Variants in KCNJ15 observed in about 807,000 individuals in gnomAD.
KCNJ15 encodes the protein potassium inwardly rectifying channel subfamily J member 15.
A neutral mutation model predicts 23.0 loss-of-function variants in KCNJ15; 14 were observed. The observed-to-expected ratio is 0.61, with a 90% confidence interval of 0.40 to 0.95. KCNJ15 has a LOEUF of 0.95. Among genes scored for constraint, KCNJ15 ranks in the 40% least tolerant of loss-of-function variants. KCNJ15 has a pLI of 0.00. For synonymous variants in KCNJ15, 185 were observed against 183.2 expected, an observed-to-expected ratio of 1.01 and a Z score of -0.08; for missense variants, 388 against 461.8, an observed-to-expected ratio of 0.84 and a Z score of 1.46.
At chr21:38,255,960 G>A (rs989244172), upstream of KCNJ15, among the ~76,000 whole-genome samples, 16 of 152,188 alleles carry the variant, frequency 1.1e-4, no homozygotes, top group Admixed American at 3.9e-4. Context: ...CAGACCGTTT[G>A]CGTCTCTTGG....
At chr21:38,274,256 T>A (rs1982411827) in intron 1 of KCNJ15, among the ~76,000 whole-genome samples, 1 of 152,226 alleles carries the variant, frequency 6.6e-6, no homozygotes, top group Non-Finnish European at 1.5e-5. Flanking sequence ...CTTCATCTCT[T>A]GTTGCCTCTC....
intron 1 of KCNJ15, among the ~76,000 whole-genome samples, chr21:38,243,666 C>T (rs1979164633): frequency 6.6e-6 from 1 of 152,210 alleles, no homozygotes; most frequent in African/African-American, 2.4e-5. Flanking sequence ...AGGTGATCTG[C>T]CCGCCTCGGC....
At chr21:38,247,845 C>T (rs1181579928) in intron 1 of KCNJ15, among the ~76,000 whole-genome samples, 10 of 152,144 alleles carry the variant, frequency 6.6e-5, no homozygotes, top group Admixed American at 5.9e-4. Context: ...CTTCCCATCA[C>T]CTGTGCCTCC....
intron 1 of KCNJ15, among the ~76,000 whole-genome samples, chr21:38,288,406 A>G (rs972489773): frequency 6.6e-6 from 1 of 152,102 alleles, no homozygotes; most frequent in South Asian, 2.1e-4. Context: ...TCATGCTAAT[A>G]ACTAATATGA....
rs563325494 is a variant in KCNJ15, at chr21:38,261,716, G to C, written c.-117+4531G>C. Among the ~76,000 whole-genome samples, 5 of 152,256 alleles carry C rather than the reference G, an allele frequency of 3.3e-5. No homozygotes were observed. In the South Asian group the frequency reaches 6.2e-4, roughly 19 times the overall value. On this transcript the variant is annotated intron_variant, in intron 1 of 2. Coordinates refer to ENST00000398938, the MANE Select transcript of KCNJ15 (RefSeq NM_170736.3). Reference sequence around the variant, plus strand: ...GCTTTTCCTATGGTAGAATATGTGAGTACTGAAATTAACTGTGCGCTTTTT... The same window carrying C: ...GCTTTTCCTATGGTAGAATATGTGACTACTGAAATTAACTGTGCGCTTTTT...
chr21:38,238,632 G>T (rs1285209072), intron 1 of KCNJ15: 1 of 587,448 alleles, frequency 1.7e-6, no homozygotes, highest in Non-Finnish European at 3.2e-6. Context: ...ACCAGAGCGG[G>T]TTGTGGGCTG....
chr21:38,259,308 A>G (rs1271513076), intron 1 of KCNJ15, among the ~76,000 whole-genome samples: 1 of 152,184 alleles, frequency 6.6e-6, no homozygotes, highest in African/African-American at 2.4e-5. Context: ...TAGAGCCAAC[A>G]TAAGAGTCCA....
intron 1 of KCNJ15, among the ~76,000 whole-genome samples, chr21:38,235,561 A>G (rs1240927028): frequency 3.3e-5 from 5 of 152,174 alleles, no homozygotes; most frequent in Non-Finnish European, 7.3e-5. Flanking sequence ...CTCAAGCAAA[A>G]AAACAAACAA....
At chr21:38,294,535 G>A (rs1390295414) in intron 1 of KCNJ15, among the ~76,000 whole-genome samples, 5 of 152,242 alleles carry the variant, frequency 3.3e-5, no homozygotes, top group South Asian at 2.1e-4. Flanking sequence ...ACTGTGAAAC[G>A]CAGAATGAAG....
At chr21:38,246,888 G>C (rs1348465265) in intron 1 of KCNJ15, among the ~76,000 whole-genome samples, 2 of 152,218 alleles carry the variant, frequency 1.3e-5, no homozygotes, top group East Asian at 3.8e-4. Context: ...AACCACACTT[G>C]AACTTAGCCC....
chr21:38,277,776 G>T (rs4817934), intron 1 of KCNJ15, among the ~76,000 whole-genome samples: 1 of 152,158 alleles, frequency 6.6e-6, no homozygotes, highest in South Asian at 2.1e-4. Context: ...AGACAACTAC[G>T]CAGGTAATGA....
intron 1 of KCNJ15, among the ~76,000 whole-genome samples, chr21:38,278,549 T>C (rs2123671251): frequency 6.6e-6 from 1 of 152,192 alleles, no homozygotes; most frequent in East Asian, 1.9e-4. Flanking sequence ...AAAACAGATA[T>C]CTCTAGTACA....
At chr21:38,265,778 G>C (rs925084235) in intron 1 of KCNJ15, among the ~76,000 whole-genome samples, 4 of 152,204 alleles carry the variant, frequency 2.6e-5, no homozygotes, top group South Asian at 2.1e-4. Flanking sequence ...CACAAGAAAG[G>C]CTGCAGTGTC....
intron 1 of KCNJ15, among the ~76,000 whole-genome samples, chr21:38,235,486 G>A (rs550644333): frequency 2.6e-5 from 4 of 152,120 alleles, no homozygotes; most frequent in Non-Finnish European, 5.9e-5. Context: ...CCTGGGAGGT[G>A]GAGGTTGCAG....
intron 1 of KCNJ15, among the ~76,000 whole-genome samples, chr21:38,295,398 A>T (rs1203220384): frequency 6.6e-6 from 1 of 152,222 alleles, no homozygotes; most frequent in Non-Finnish European, 1.5e-5. Flanking sequence ...AATTCTGATG[A>T]TTCAGATGAT....
chr21:38,270,063 C>A (rs1981917969), intron 1 of KCNJ15, among the ~76,000 whole-genome samples: 1 of 152,194 alleles, frequency 6.6e-6, no homozygotes, highest in African/African-American at 2.4e-5. Context: ...GGAAAGCATT[C>A]TTTCCCTTTT....
At chr21:38,236,684 G>A (rs544493427) in intron 1 of KCNJ15, among the ~76,000 whole-genome samples, 6 of 152,182 alleles carry the variant, frequency 3.9e-5, no homozygotes, top group African/African-American at 9.6e-5. Context: ...TTCCCCTAAC[G>A]TTTCACCCAA....
At chr21:38,248,599 T>A (rs2123574549) in intron 1 of KCNJ15, among the ~76,000 whole-genome samples, 1 of 152,274 alleles carries the variant, frequency 6.6e-6, no homozygotes. Context: ...TTAAGGCAGC[T>A]CAGGATCTCT....
At chr21:38,249,845 A>G (rs1979704904) in intron 1 of KCNJ15, among the ~76,000 whole-genome samples, 1 of 152,216 alleles carries the variant, frequency 6.6e-6, no homozygotes, top group South Asian at 2.1e-4. Context: ...CTGAAGTGCA[A>G]TGATAGAATA....
Sources: allele counts gnomAD v4.1 joint callset (sites outside exome capture counted in the v4.1 genomes callset), GRCh38; gene constraint gnomAD v4.1.1; transcripts MANE v1.5; gene names NCBI Gene and HGNC (gene_info 2026-07-23, HGNC 2026-07-21).